Variants in HSD17B12 observed in about 807,000 individuals in gnomAD.
HSD17B12 encodes the protein very-long-chain 3-oxoacyl-CoA reductase.
A neutral mutation model predicts 39.3 loss-of-function variants in HSD17B12; 32 were observed. The observed-to-expected ratio is 0.81, with a 90% CI of 0.61 to 1.09. The LOEUF (loss-of-function observed/expected upper bound fraction) is 1.09, where lower values mean the gene tolerates loss of function less well. Among genes scored for constraint, HSD17B12 ranks in the 50% least tolerant of loss-of-function variants. HSD17B12 has a pLI of 0.00. For missense variants in HSD17B12, 342 were observed against 382.9 expected (o/e 0.89, Z 0.89); for synonymous variants, 150 against 146.7 (o/e 1.02, Z -0.16).
the HSD17B12 span, among the ~76,000 whole-genome samples, chr11:43,601,208 C>A: frequency 6.6e-6 from 1 of 151,714 alleles, no homozygotes; most frequent in Non-Finnish European, 1.5e-5. Flanking sequence ...CTTATGAACT[C>A]ATGTTCTTAT....
the HSD17B12 span, among the ~76,000 whole-genome samples, chr11:43,666,485 G>A: frequency 0.011 from 1,666 of 152,176 alleles, 10 homozygotes; most frequent in South Asian, 0.024. Context: ...GACTGCAGGC[G>A]CACACCACCA....
chr11:43,578,724 G>C, the HSD17B12 span, among the ~76,000 whole-genome samples: 1 of 151,304 alleles, frequency 6.6e-6, no homozygotes, highest in African/African-American at 2.4e-5. Context: ...GGCGGGAGTG[G>C]TGGTAGCGCC....
chr11:43,612,819 T>C, the HSD17B12 span, among the ~76,000 whole-genome samples: 2 of 151,904 alleles, frequency 1.3e-5, no homozygotes, highest in African/African-American at 4.8e-5. Flanking sequence ...CTACTTTAGA[T>C]AGGGTGGTCA....
At chr11:43,597,136 C>G in the HSD17B12 span, among the ~76,000 whole-genome samples, 1 of 152,192 alleles carries the variant, frequency 6.6e-6, no homozygotes, top group Non-Finnish European at 1.5e-5. Flanking sequence ...TAAGTGCTAA[C>G]TAGAGGTCAA....
Position 43,750,919 on chromosome 11 carries a change from G to C in HSD17B12, c.169G>C (p.Gly57Arg). The change falls in exon 2 of 11, where the codon GGT (glycine) becomes CGT (arginine). Residue 57 changes from glycine (G) to arginine (R), a missense_variant. Transcript: ENST00000278353. Reference protein sequence around the residue: ...PGLGEWAVVTGSTDGIGKSYA... With the variant: ...PGLGEWAVVTRSTDGIGKSYA... ...TTTTTTCCCTTTCCCAGTTGTCACA[G>C]GTAGTACTGATGGAATTGGAAAATC... is the stretch of plus-strand genomic sequence containing the variant. 6.2e-7 allele frequency: 1 copy of C among 1,601,766 alleles called. No homozygotes were observed. The highest frequency in any genetic ancestry group is 8.5e-7 in the Non-Finnish European group (1 of 1,172,552).
At chr11:43,802,245 C>G (rs557285120) in intron 4 of HSD17B12, among the ~76,000 whole-genome samples, 2 of 152,048 alleles carry the variant, frequency 1.3e-5, no homozygotes, top group African/African-American at 4.8e-5. Flanking sequence ...CTCGGCCTCC[C>G]AAAGTGCTGG....
At chr11:43,561,090 C>T in the HSD17B12 span, among the ~76,000 whole-genome samples, 1 of 152,134 alleles carries the variant, frequency 6.6e-6, no homozygotes, top group South Asian at 2.1e-4. Context: ...AGAGCCCAAG[C>T]CTTGCAGATG....
intron 2 of HSD17B12, among the ~76,000 whole-genome samples, chr11:43,751,395 G>T (rs1306943580): frequency 6.6e-6 from 1 of 152,160 alleles, no homozygotes; most frequent in Non-Finnish European, 1.5e-5. Context: ...ACAGGCAAAG[G>T]GTTCAGATTC....
chr11:43,759,492 TATC>T (rs1305292642), intron 3 of HSD17B12, among the ~76,000 whole-genome samples: 4 of 152,202 alleles, frequency 2.6e-5, no homozygotes, highest in South Asian at 4.1e-4. Flanking sequence ...CTTATTTTAT[TATC>T]ATTCTTAGCC....
At chr11:43,735,869 G>A (rs1289185756) in intron 1 of HSD17B12, among the ~76,000 whole-genome samples, 1 of 152,148 alleles carries the variant, frequency 6.6e-6, no homozygotes, top group African/African-American at 2.4e-5. Context: ...CCTGGTGGCA[G>A]GAGAGAGAGA....
the HSD17B12 span, among the ~76,000 whole-genome samples, chr11:43,606,608 T>G: frequency 6.6e-6 from 1 of 152,228 alleles, no homozygotes; most frequent in African/African-American, 2.4e-5. Context: ...ATCTGATGAC[T>G]GCATTCACCC....
At chr11:43,558,353 T>C in the HSD17B12 span, among the ~76,000 whole-genome samples, 1 of 152,158 alleles carries the variant, frequency 6.6e-6, no homozygotes, top group African/African-American at 2.4e-5. Context: ...GCTTTATGTT[T>C]AACGGGGAAA....
chr11:43,657,264 C>T, the HSD17B12 span, among the ~76,000 whole-genome samples: 3 of 152,188 alleles, frequency 2.0e-5, no homozygotes, highest in Admixed American at 1.3e-4. Context: ...GTAGATCTTC[C>T]TCCATCCCTT....
At chr11:43,605,853 C>T in the HSD17B12 span, among the ~76,000 whole-genome samples, 3 of 152,210 alleles carry the variant, frequency 2.0e-5, no homozygotes, top group East Asian at 1.9e-4. Context: ...AGATAAAAAG[C>T]GGGCATGTGT....
chr11:43,630,122 C>T, the HSD17B12 span, among the ~76,000 whole-genome samples: 2 of 152,086 alleles, frequency 1.3e-5, no homozygotes, highest in African/African-American at 4.8e-5. Context: ...ATCTGGCCTA[C>T]AGGGTTCCTT....
intron 3 of HSD17B12, among the ~76,000 whole-genome samples, chr11:43,784,112 A>G (rs1014468154): frequency 8.5e-5 from 13 of 152,114 alleles, no homozygotes; most frequent in African/African-American, 2.9e-4. Context: ...TCAAAAAGAA[A>G]TTCTTGGCCC....
chr11:43,651,284 C>A, the HSD17B12 span, among the ~76,000 whole-genome samples: 3 of 152,258 alleles, frequency 2.0e-5, no homozygotes, highest in African/African-American at 7.2e-5. Context: ...TGCTGTGAAC[C>A]AAGACATATT....
At chr11:43,686,563 C>T (rs1240847959) in intron 1 of HSD17B12, among the ~76,000 whole-genome samples, 2 of 151,668 alleles carry the variant, frequency 1.3e-5, no homozygotes, top group Non-Finnish European at 2.9e-5. Flanking sequence ...TCCCTCACTC[C>T]CCTCCCGACT....
intron 3 of HSD17B12, among the ~76,000 whole-genome samples, chr11:43,770,263 A>G (rs1950636381): frequency 6.6e-6 from 1 of 152,182 alleles, no homozygotes. Context: ...AATTTACAGG[A>G]TCTGTTAACC....
Sources: gnomAD v4.1 joint callset for allele counts (sites outside exome capture counted in the v4.1 genomes callset) on GRCh38, gnomAD v4.1.1 for gene constraint, MANE v1.5 for transcripts, NCBI Gene and HGNC (gene_info 2026-07-23, HGNC 2026-07-21) for gene names.